KSR1: variants seen among roughly 807,000 people sequenced by gnomAD.
The protein encoded by KSR1 is kinase suppressor of ras.
A neutral mutation model predicts 92.9 loss-of-function variants in KSR1; 35 were observed. The ratio of observed to expected loss-of-function variants is 0.38; its 90% CI spans 0.29 to 0.50. KSR1 has a LOEUF of 0.50. Ranked by LOEUF, KSR1 falls within the 20% of genes least tolerant of loss-of-function variation. KSR1 has a pLI of 0.94. For missense variants in KSR1, 972 were observed against 1,158.5 expected, an observed-to-expected ratio of 0.84 and a Z score of 2.34; for synonymous variants, 467 against 472.6, an observed-to-expected ratio of 0.99 and a Z score of 0.15.
chr17:27,583,010 G>T lies in KSR1; in HGVS notation c.885G>T (p.Lys295Asn). Residue 295 changes from lysine to asparagine, a missense_variant, in exon 4 of 21, where the codon AAG becomes AAT. By Grantham distance (94) the Lys-to-Asn change is moderately conservative. Coordinates refer to ENST00000644974, the MANE Select transcript of KSR1 (RefSeq NM_001394583.1). Reference protein sequence around the residue: ...PPRTPPPPSRKVFQLLPSFPT... With the variant: ...PPRTPPPPSRNVFQLLPSFPT... Reference sequence around the variant, plus strand: ...GGACGCCCCCCCCACCCAGCCGCAAGGTCTTCCAGCTGCTGCCCAGCTTCC... The same window carrying T: ...GGACGCCCCCCCCACCCAGCCGCAATGTCTTCCAGCTGCTGCCCAGCTTCC... 6.4e-7 allele frequency: 1 copy of T among 1,571,892 alleles called. No individual in the cohort carries two copies. Among genetic ancestry groups the T allele is most frequent in the Non-Finnish European group, 8.6e-7 (1 of 1,159,484 alleles).
At chr17:27,528,225 C>T (rs570985576) in intron 1 of KSR1, among the ~76,000 whole-genome samples, 2 of 152,176 alleles carry the variant, frequency 1.3e-5, no homozygotes, top group Non-Finnish European at 2.9e-5. Context: ...TGCCACCATG[C>T]CTGGCTAATT....
intron 1 of KSR1, among the ~76,000 whole-genome samples, chr17:27,530,914 T>C (rs2070510614): frequency 6.6e-6 from 1 of 152,260 alleles, no homozygotes; most frequent in African/African-American, 2.4e-5. Flanking sequence ...AAACTTCCTA[T>C]GTTTTTGTAA....
intron 19 of KSR1, among the ~76,000 whole-genome samples, chr17:27,618,627 G>A (rs948754260): frequency 5.9e-5 from 9 of 152,316 alleles, no homozygotes; most frequent in South Asian, 2.1e-4. Context: ...GAGCAGCCAC[G>A]GACAGCATAA....
At chr17:27,561,831 C>A (rs894666161) in intron 2 of KSR1, among the ~76,000 whole-genome samples, 1 of 152,054 alleles carries the variant, frequency 6.6e-6, no homozygotes, top group Non-Finnish European at 1.5e-5. Flanking sequence ...TCCTGTACTG[C>A]TTGGTGTTTG....
Position 27,597,875 on chromosome 17 carries a change from A to T in KSR1, c.1468+439A>T, listed in dbSNP as rs1175187243. 2.0e-5 allele frequency among the ~76,000 whole-genome samples: 3 copies of T among 152,298 alleles called. No individual in the cohort carries two copies. The East Asian group carries it at 5.8e-4, about 29-fold the overall frequency. ...GGGGTCCTGCTGCTTCCCACTCGTG[A>T]TCTGGGTAAGCTCCTTCAAGGAGAC... On this transcript the variant is annotated intron_variant, in intron 10 of 20. Transcript: ENST00000644974.
intron 2 of KSR1, among the ~76,000 whole-genome samples, chr17:27,572,446 G>A (rs1011434711): frequency 9.9e-5 from 15 of 152,228 alleles, no homozygotes; most frequent in Non-Finnish European, 1.8e-4. Flanking sequence ...AGAAGCTGGG[G>A]TGGGCAGTAA....
chr17:27,558,905 C>T (rs1157949426), intron 2 of KSR1, among the ~76,000 whole-genome samples: 1 of 152,084 alleles, frequency 6.6e-6, no homozygotes, highest in African/African-American at 2.4e-5. Flanking sequence ...TCTCTGCTGA[C>T]CTTGACTCTT....
chr17:27,531,943 G>A (rs947063475), intron 1 of KSR1, among the ~76,000 whole-genome samples: 1 of 152,216 alleles, frequency 6.6e-6, no homozygotes, highest in Non-Finnish European at 1.5e-5. Flanking sequence ...CTCGCTCACA[G>A]CAGGTTGAAC....
At chr17:27,533,235 G>A (rs1227368354) in intron 1 of KSR1, among the ~76,000 whole-genome samples, 1 of 152,142 alleles carries the variant, frequency 6.6e-6, no homozygotes, top group African/African-American at 2.4e-5. Context: ...GGATAGTTGT[G>A]ATAGGGCGTC....
chr17:27,488,381 A>G (rs572432706), intron 1 of KSR1, among the ~76,000 whole-genome samples: 1 of 151,636 alleles, frequency 6.6e-6, no homozygotes, highest in Non-Finnish European at 1.5e-5. Context: ...TTAATAGCTG[A>G]TAACATTTCC....
intron 15 of KSR1, 92 bp downstream of exon 15, chr17:27,608,102 G>A: frequency 3.3e-6 from 3 of 917,410 alleles, no homozygotes; most frequent in South Asian, 1.5e-5. Flanking sequence ...TGTTAGGGTG[G>A]TTTGGGCAGC....
At chr17:27,622,060 C>T in intron 20 of KSR1, 1 of 866,968 alleles carries the variant, frequency 1.2e-6, no homozygotes, top group African/African-American at 1.7e-5. Flanking sequence ...TCTGCTGCTC[C>T]AGTCGTCTCT....
At position 27,624,522 on chromosome 17, in the gene KSR1, C is replaced by G. The variant is rs911296749; in HGVS notation, c.*1130C>G. On this transcript the variant is annotated 3_prime_UTR_variant, in exon 21 of 21. Transcript: ENST00000644974. ...CCATCTGCAGAGCCTTCCTTAGCAC[C>G]ATTAGGCCTTCTACTTGTGTCCATT... is the stretch of plus-strand genomic sequence containing the variant. The G allele has an allele frequency of 2.6e-5, 4 of 152,166 alleles. No homozygotes were observed. The highest frequency in any genetic ancestry group is 2.6e-4 in the Admixed American group (4 of 15,280). 9.4% of individuals were successfully genotyped at this position (152,166 alleles called of 1,614,324 possible).
chr17:27,620,670 T>C (rs2074198927), intron 19 of KSR1, among the ~76,000 whole-genome samples: 1 of 152,114 alleles, frequency 6.6e-6, no homozygotes, highest in Non-Finnish European at 1.5e-5. Flanking sequence ...ATGGGGCTCT[T>C]AGCAGTTCAA....
At chr17:27,584,382 T>A (rs1431864162) in intron 4 of KSR1, among the ~76,000 whole-genome samples, 1 of 152,050 alleles carries the variant, frequency 6.6e-6, no homozygotes, top group Non-Finnish European at 1.5e-5. Flanking sequence ...TGGGTTTGAG[T>A]ATGCTGCCCA....
At chr17:27,549,611 T>C (rs1198671614) in intron 1 of KSR1, among the ~76,000 whole-genome samples, 4 of 152,318 alleles carry the variant, frequency 2.6e-5, no homozygotes, top group African/African-American at 7.2e-5. Flanking sequence ...ACAATAACTC[T>C]AGAAAATACA....
At chr17:27,525,990 A>ATCTTTTCTTTTCTTTTCTTT in intron 1 of KSR1, among the ~76,000 whole-genome samples, 1 of 42,658 alleles carries the variant, frequency 2.3e-5, no homozygotes, top group Non-Finnish European at 4.6e-5. Context: ...AACTGCAACT[A>ATCTTTTCTTTTCTTTTCTTT]ACTTTTCTTT....
At chr17:27,600,478 A>T (rs376665440) in intron 10 of KSR1, among the ~76,000 whole-genome samples, 1 of 152,162 alleles carries the variant, frequency 6.6e-6, no homozygotes, top group East Asian at 1.9e-4. Flanking sequence ...TTTAAAAATG[A>T]TTAAAAGTAC....
chr17:27,609,315 G>T lies in KSR1; in HGVS notation c.2211G>T (p.Val737=), dbSNP rs1172795871. ...TDFGLFGISG[V]VREGRRENQL... is the part of the protein sequence containing the mutation. ...TCGGGCTGTTTGGGATCTCAGGCGT[G>T]GTCCGAGAGGGACGGTGAGTTGGTC... The change falls in exon 16 of 21, where the codon GTG becomes GTT. Residue 737 remains valine, a synonymous_variant. Coordinates refer to ENST00000644974, the MANE Select transcript of KSR1 (RefSeq NM_001394583.1). 1 of 1,613,974 alleles carries T rather than the reference G, an allele frequency of 6.2e-7. No individual in the cohort carries two copies. Among genetic ancestry groups the T allele is most frequent in the Non-Finnish European group, 8.5e-7 (1 of 1,179,882 alleles).
Sources: allele counts gnomAD v4.1 joint callset (sites outside exome capture counted in the v4.1 genomes callset), GRCh38; gene constraint gnomAD v4.1.1; transcripts MANE v1.5; gene names NCBI Gene and HGNC (gene_info 2026-07-23, HGNC 2026-07-21).